The following SCEL variants were observed in gnomAD, a reference collection of about 807,000 sequenced individuals.
SCEL encodes the protein sciellin.
Under a neutral mutation model 117.6 loss-of-function variants are expected in SCEL, and 113 were observed. The ratio of observed to expected loss-of-function variants is 0.96; its 90% CI spans 0.83 to 1.12. The LOEUF (loss-of-function observed/expected upper bound fraction) is 1.12, where lower values mean the gene tolerates loss of function less well. Among genes scored for constraint, SCEL ranks in the 50% most tolerant of loss-of-function variants. The pLI is 0.00. For synonymous variants in SCEL, 270 were observed against 256.2 expected (o/e 1.05, Z -0.51); for missense variants, 785 against 810.8 (o/e 0.97, Z 0.39).
chr13:77,631,025 T>C (rs2154406063), intron 28 of SCEL, among the ~76,000 whole-genome samples: 1 of 152,322 alleles, frequency 6.6e-6, no homozygotes, highest in East Asian at 1.9e-4. Context: ...GACTATACTT[T>C]GAGAATCAAT....
chr13:77,563,774 A>AC (rs747100576), intron 4 of SCEL, 57 bp from the exon 5 acceptor site: 36 of 1,361,140 alleles, frequency 2.6e-5, no homozygotes, highest in Non-Finnish European at 3.5e-5. Flanking sequence ...GGTTTTATAA[A>AC]CTTTTTTTTT....
At chr13:77,637,601 T>G (rs943652467) in intron 30 of SCEL, among the ~76,000 whole-genome samples, 14 of 152,088 alleles carry the variant, frequency 9.2e-5, no homozygotes, top group Admixed American at 3.3e-4. Flanking sequence ...CAAAAGACCT[T>G]TCTGTGCCTT....
rs146995012 is a variant in SCEL, at chr13:77,567,720, A to G, written c.331A>G (p.Asn111Asp). The stretch of plus-strand genomic sequence containing the variant: ...TGATGCTGCTAAAACATATAAGGCC[A>G]ATACCTTGGATAACCAACTAACCAA... ...RNDAAKTYKA[N>D]TLDNQLTNRS... is the part of the protein sequence containing the mutation. Residue 111 changes from asparagine (N) to aspartate (D), a missense_variant, in exon 6 of 33, where the codon AAT becomes GAT. Physicochemically the swap from Asn to Asp is conservative, Grantham distance 23 (BLOSUM62 1). Transcript: ENST00000349847. 93 of 1,608,262 alleles carry G rather than the reference A, an allele frequency of 5.8e-5. No individual in the cohort carries two copies. The African/African-American group carries it at 1.1e-3, about 19-fold the overall frequency.
At chr13:77,602,007 A>C (rs2087738736) in intron 15 of SCEL, 58 bp from the exon 16 acceptor site, 1 of 1,366,350 alleles carries the variant, frequency 7.3e-7, no homozygotes, top group Non-Finnish European at 1.0e-6. Flanking sequence ...TGAATATATC[A>C]CTGAGTTGCT....
Position 77,559,840 on chromosome 13 carries a change from T to A in SCEL, c.198T>A (p.His66Gln). The change falls in exon 4 of 33, where the codon CAT becomes CAA. Residue 66 changes from histidine (H) to glutamine (Q), a missense_variant. His to Gln is a conservative substitution (Grantham distance 24). Coordinates refer to ENST00000349847, the MANE Select transcript of SCEL (RefSeq NM_144777.3). ...ENYGRVVLNR[H>Q]NSHDALDRKV... ...ACGGTAGGGTGGTGCTCAACCGACA[T>A]AATTCCCATGATGCATTGGACAGGT... 6.2e-7 allele frequency: 1 copy of A among 1,613,922 alleles called. No homozygotes were observed. The highest frequency in any genetic ancestry group is 1.1e-5 in the South Asian group (1 of 91,008).
intron 31 of SCEL, among the ~76,000 whole-genome samples, chr13:77,642,405 C>T (rs1482251202): frequency 6.6e-6 from 1 of 152,182 alleles, no homozygotes; most frequent in Non-Finnish European, 1.5e-5. Context: ...GTCAGATAAG[C>T]AGTTTATTTC....
chr13:77,643,019 T>C (rs1182423248), intron 32 of SCEL, among the ~76,000 whole-genome samples: 1 of 152,186 alleles, frequency 6.6e-6, no homozygotes, highest in East Asian at 1.9e-4. Flanking sequence ...AGATTAGATA[T>C]AGATACAACT....
In SCEL at chr13:77,617,987, C is replaced by T; in HGVS notation, c.1572-17C>T. ...CTATTACCAATCTGAACTTTTTTCT[C>T]TCTCTCTTTTAAACAGCCAAGACTT... On this transcript the variant is annotated splice_polypyrimidine_tract_variant and intron_variant, in intron 26 of 32. Transcript: ENST00000349847. 1 of 1,612,258 alleles carries T rather than the reference C, an allele frequency of 6.2e-7. No individual in the cohort carries two copies.
chr13:77,560,190 G>A (rs1418276333), intron 4 of SCEL, among the ~76,000 whole-genome samples: 1 of 151,878 alleles, frequency 6.6e-6, no homozygotes, highest in African/African-American at 2.4e-5. Context: ...CAACACTTTG[G>A]GAGGCCAAGT....
intron 31 of SCEL, 97 bp from the exon 32 acceptor site, chr13:77,642,609 T>A (rs538660771): frequency 1.5e-6 from 1 of 652,704 alleles, no homozygotes; most frequent in East Asian, 2.9e-5. Flanking sequence ...TAAACATCCC[T>A]TAAAAGTGCC....
In SCEL at chr13:77,612,936, C is replaced by T. The variant is rs762962437; in HGVS notation, c.1383C>T (p.Asn461=). The T allele has an allele frequency of 7.7e-6, 12 of 1,554,654 alleles. No homozygotes were observed. Among genetic ancestry groups the T allele is most frequent in the Non-Finnish European group, 1.0e-5 (12 of 1,149,202 alleles). The change falls in exon 23 of 33, where the codon AAC becomes AAT. Residue 461 remains asparagine, a synonymous_variant. Transcript: ENST00000349847. ...ENLIKVIPSA[N]KSSEQGLDEH... is the part of the protein sequence containing the mutation. ...TTATCAAAGTGATCCCTTCAGCAAA[C>T]AAAAGGTAAACTTATTAAGATAATT...
chr13:77,636,974 A>T, intron 29 of SCEL, 146 bp from the exon 30 acceptor site: 1 of 437,894 alleles, frequency 2.3e-6, no homozygotes. Context: ...TCTACAGATT[A>T]AAAAAATGTG....
chr13:77,566,992 ATTG>A (rs2085328205), intron 5 of SCEL, among the ~76,000 whole-genome samples: 1 of 152,130 alleles, frequency 6.6e-6, no homozygotes, highest in Non-Finnish European at 1.5e-5. Flanking sequence ...AACACATAAT[ATTG>A]TTTATGCCAC....
chr13:77,616,650 G>A (rs767267142), intron 24 of SCEL, among the ~76,000 whole-genome samples: 6 of 151,322 alleles, frequency 4.0e-5, no homozygotes, highest in Non-Finnish European at 8.8e-5. Context: ...CTATTGAAAG[G>A]TTGAAGGCTG....
intron 1 of SCEL, among the ~76,000 whole-genome samples, chr13:77,540,499 G>A (rs1028329179): frequency 1.3e-5 from 2 of 152,210 alleles, no homozygotes; most frequent in Admixed American, 6.5e-5. Flanking sequence ...GGCAAGTGGC[G>A]ATGGTATCAC....
chr13:77,612,995 C>A, intron 23 of SCEL, 54 bp downstream of exon 23: 4 of 1,004,950 alleles, frequency 4.0e-6, no homozygotes, highest in South Asian at 3.2e-5. Context: ...ATTTATGCCC[C>A]AAAATAAGAT....
intron 19 of SCEL, chr13:77,606,435 C>G (rs1594101712): frequency 6.6e-6 from 1 of 152,284 alleles, no homozygotes; most frequent in Non-Finnish European, 1.5e-5. Flanking sequence ...ATAGTTAAAG[C>G]AAACCCCACA....
chr13:77,601,405 T>G (rs2087677208), intron 15 of SCEL, among the ~76,000 whole-genome samples: 1 of 152,152 alleles, frequency 6.6e-6, no homozygotes, highest in Non-Finnish European at 1.5e-5. Flanking sequence ...TGAAATAACT[T>G]AAAATGTCAA....
rs750861192 is a variant in SCEL, at chr13:77,568,278, T to C, written c.360-17T>C. The C allele has an allele frequency of 1.3e-6, 2 of 1,535,986 alleles. No individual in the cohort carries two copies. The highest frequency in any genetic ancestry group is 1.2e-5 in the South Asian group (1 of 85,302). ...ATTCTTCATTGTTCAAACTTTGCTT[T>C]CTTTCTCTCTTACCAGGAGCATGTC... On this transcript the variant is annotated splice_polypyrimidine_tract_variant and intron_variant, in intron 6 of 32. Coordinates refer to ENST00000349847, the MANE Select transcript of SCEL (RefSeq NM_144777.3).
Sources: gnomAD v4.1 joint callset for allele counts (sites outside exome capture counted in the v4.1 genomes callset) on GRCh38, gnomAD v4.1.1 for gene constraint, MANE v1.5 for transcripts, NCBI Gene and HGNC (gene_info 2026-07-23, HGNC 2026-07-21) for gene names.